PCDH17: variants seen among roughly 807,000 people sequenced by gnomAD.
PCDH17 encodes protocadherin-17.
A neutral mutation model predicts 67.7 loss-of-function variants in PCDH17; 21 were observed. The observed-to-expected ratio is 0.31, with a 90% CI of 0.22 to 0.45. The LOEUF (loss-of-function observed/expected upper bound fraction) is 0.45, where lower values mean the gene tolerates loss of function less well. Ranked by LOEUF, PCDH17 falls within the 20% of genes least tolerant of loss-of-function variation. The pLI, the probability that PCDH17 is intolerant of heterozygous loss-of-function variation, is 1.00. For synonymous variants in PCDH17, 701 were observed against 656.7 expected (o/e 1.07, Z -1.03); for missense variants, 1,471 against 1,564.8 (o/e 0.94, Z 1.01).
At chr13:57,657,299 A>G (rs1328323813) in intron 1 of PCDH17, among the ~76,000 whole-genome samples, 2 of 152,178 alleles carry the variant, frequency 1.3e-5, no homozygotes, top group East Asian at 1.9e-4. Context: ...TTTTTGCTCA[A>G]TATTGTAAGA....
chr13:57,648,612 A>G (rs1373150812), intron 1 of PCDH17, among the ~76,000 whole-genome samples: 1 of 152,058 alleles, frequency 6.6e-6, no homozygotes, highest in Non-Finnish European at 1.5e-5. Context: ...GGATCTGCTT[A>G]AAAGCAACTA....
At chr13:57,637,453 C>T (rs1308015188) in intron 1 of PCDH17, among the ~76,000 whole-genome samples, 4 of 150,516 alleles carry the variant, frequency 2.7e-5, no homozygotes, top group Non-Finnish European at 5.9e-5. Flanking sequence ...TTTTTTTAAA[C>T]TAGTGTGTCG....
At position 57,633,204 on chromosome 13, in the gene PCDH17, G is replaced by T. The variant is rs1293017384; in HGVS notation, c.658G>T (p.Glu220Ter). 6.2e-7 allele frequency: 1 copy of T among 1,613,120 alleles called. No homozygotes were observed. Among genetic ancestry groups the T allele is most frequent in the Non-Finnish European group, 8.5e-7 (1 of 1,179,964 alleles). ...TLVLTALDGG[E>*]PPRSATVQIN... ...CGTGCTGACTGCCCTGGACGGTGGCGAGCCTCCACGTTCCGCCACCGTACA... is the reference window on the plus strand; with the variant it reads ...CGTGCTGACTGCCCTGGACGGTGGCTAGCCTCCACGTTCCGCCACCGTACA... The change falls in exon 1 of 4, where the codon GAG becomes TAG. Residue 220 changes from glutamate (E) to a stop codon, truncating the protein, a stop_gained. Coordinates refer to ENST00000377918, the MANE Select transcript of PCDH17 (RefSeq NM_001040429.3). LOFTEE classifies it high-confidence loss of function. This position sits in a 1 kb window ranked among gnomAD's most constrained non-coding sequence, Gnocchi z 6.2.
rs1460461490 is a variant in PCDH17, at chr13:57,633,916, C to T, written c.1370C>T (p.Ser457Leu). 2 of 1,613,270 alleles carry T rather than the reference C, an allele frequency of 1.2e-6. No homozygotes were observed. The highest frequency in any genetic ancestry group is 1.3e-5 in the African/African-American group (1 of 74,950). The change falls in exon 1 of 4, where the codon TCG becomes TTG. Residue 457 changes from serine (S) to leucine (L), a missense_variant. Physicochemically the swap from Ser to Leu is moderately radical, Grantham distance 145. Coordinates refer to ENST00000377918, the MANE Select transcript of PCDH17 (RefSeq NM_001040429.3). This position sits in a 1 kb window ranked among gnomAD's most constrained non-coding sequence, Gnocchi z 6.2. ...TCTCCTCCCCTCAACTCCACCAAGT[C>T]GTTCGCGATCAAGATTCTAGACGAG... ...GGSPPLNSTK[S>L]FAIKILDEND...
In PCDH17 at chr13:57,725,055, C is replaced by T; in HGVS notation, c.3241C>T (p.Pro1081Ser). Reference sequence around the variant, plus strand: ...GCCCACTGACAGTCAATATCTGTCACCTAGTAAGCAACCAAGAGACCCTCC... The same window carrying T: ...GCCCACTGACAGTCAATATCTGTCATCTAGTAAGCAACCAAGAGACCCTCC... ...YLPTDSQYLSPSKQPRDPPFM... is the reference protein window; with the variant it reads ...YLPTDSQYLSSSKQPRDPPFM... Residue 1081 changes from proline to serine, a missense_variant, in exon 4 of 4, where the codon CCT (proline) becomes TCT (serine). By Grantham distance (74) the Pro-to-Ser change is moderately conservative. Around this residue, in one of 3 missense-constraint regions of PCDH17, gnomAD observed 297 missense variants for 298.6 expected, o/e 0.99. Transcript: ENST00000377918. 1 of 1,614,112 alleles carries T rather than the reference C, an allele frequency of 6.2e-7. No individual in the cohort carries two copies. The highest frequency in any genetic ancestry group is 8.5e-7 in the Non-Finnish European group (1 of 1,179,970).
rs1364066023 is a variant in PCDH17, at chr13:57,634,627, G to T, written c.2081G>T (p.Arg694Leu). The T allele has an allele frequency of 1.9e-6, 3 of 1,613,430 alleles. No individual in the cohort carries two copies. The highest frequency in any genetic ancestry group is 2.5e-6 in the Non-Finnish European group (3 of 1,179,994). Residue 694 changes from arginine to leucine, a missense_variant, in exon 1 of 4, where the codon CGG (arginine) becomes CTG (leucine). Arg to Leu is a moderately radical substitution (Grantham distance 102). Around this residue, in one of 3 missense-constraint regions of PCDH17, gnomAD observed 1,163 missense variants for 1,230.0 expected, o/e 0.95. Coordinates refer to ENST00000377918, the MANE Select transcript of PCDH17 (RefSeq NM_001040429.3). The surrounding 1 kb of genome is among the most constrained non-coding windows in gnomAD (Gnocchi z 7.8). ...GGATCCCTTCCCGAGGGGGTACCAC[G>T]GGTGAATGGCGAGCAGCACCACTGG... ...VSGSLPEGVP[R>L]VNGEQHHWDM...
chr13:57,678,764 A>T (rs1334730942), intron 3 of PCDH17, among the ~76,000 whole-genome samples: 1 of 151,604 alleles, frequency 6.6e-6, no homozygotes, highest in Non-Finnish European at 1.5e-5. Context: ...AAAAAACAAG[A>T]AATAGGGGCA....
intron 3 of PCDH17, among the ~76,000 whole-genome samples, chr13:57,708,177 G>A (rs1955738697): frequency 6.6e-6 from 1 of 151,936 alleles, no homozygotes; most frequent in Admixed American, 6.6e-5. Context: ...TGACTACTGA[G>A]TTTGGATTAT....
intron 3 of PCDH17, among the ~76,000 whole-genome samples, chr13:57,703,318 GC>G (rs1199385556): frequency 6.6e-6 from 1 of 152,074 alleles, no homozygotes; most frequent in Non-Finnish European, 1.5e-5. Flanking sequence ...AATTTGGGGT[GC>G]ATAAAGAACT....
rs533006150 is a variant in PCDH17 at position 57,724,489 on chromosome 13, C to A, written c.2798-123C>A. 1.1e-5 allele frequency: 8 copies of A among 703,798 alleles called. No homozygotes were observed. The African/African-American group carries it at 1.3e-4, about 11-fold the overall frequency. The allele number at this position is 703,798 out of a possible 1,614,324, so 43.6% of individuals were successfully genotyped here. On this transcript the variant is annotated intron_variant, in intron 3 of 3. Coordinates refer to ENST00000377918, the MANE Select transcript of PCDH17 (RefSeq NM_001040429.3). ...CCTGAAATGTTTTAATTATTGTTTT[C>A]TTTTCCTTTTTAATTAAGAGACCAG...
At chr13:57,646,951 C>G (rs1278507688) in intron 1 of PCDH17, among the ~76,000 whole-genome samples, 1 of 151,820 alleles carries the variant, frequency 6.6e-6, no homozygotes, top group Non-Finnish European at 1.5e-5. Context: ...CATGTTACTA[C>G]AAGAAGCCCT....
chr13:57,683,371 T>G lies in PCDH17; in HGVS notation c.2797+16538T>G, dbSNP rs1482825122. 2.0e-5 allele frequency among the ~76,000 whole-genome samples: 3 copies of G among 151,974 alleles called. No homozygotes were observed. In the East Asian group the frequency reaches 5.8e-4, roughly 30 times the overall value. On this transcript the variant is annotated intron_variant, in intron 3 of 3. Transcript: ENST00000377918. ...CAATATGCAGAGGAAACAAATGATTTAATAGAAAGGGTGGAAAGAGAATCG... is the reference window on the plus strand; with the variant it reads ...CAATATGCAGAGGAAACAAATGATTGAATAGAAAGGGTGGAAAGAGAATCG...
In PCDH17 at chr13:57,634,539, G is replaced by A; in HGVS notation, c.1993G>A (p.Val665Met). 1 of 1,613,004 alleles carries A rather than the reference G, an allele frequency of 6.2e-7. No individual in the cohort carries two copies. Among genetic ancestry groups the A allele is most frequent in the Non-Finnish European group, 8.5e-7 (1 of 1,180,012 alleles). The change falls in exon 1 of 4, where the codon GTG (valine) becomes ATG (methionine). Residue 665 changes from valine (V) to methionine (M), a missense_variant. Transcript: ENST00000377918. This position sits in a 1 kb window ranked among gnomAD's most constrained non-coding sequence, Gnocchi z 7.8. ...VTPVVELVVKVTDHGKPTLSA... is the reference protein window; with the variant it reads ...VTPVVELVVKMTDHGKPTLSA... ...GCCCGTGGTGGAGCTGGTGGTGAAG[G>A]TGACCGACCACGGCAAGCCTACCCT...
chr13:57,653,860 G>A (rs1040301355), intron 1 of PCDH17, among the ~76,000 whole-genome samples: 4 of 152,002 alleles, frequency 2.6e-5, no homozygotes, highest in African/African-American at 4.8e-5. Context: ...TTCCCATGGC[G>A]GTACTGTTTC....
chr13:57,662,778 A>T (rs1955199282), intron 1 of PCDH17, among the ~76,000 whole-genome samples: 1 of 152,166 alleles, frequency 6.6e-6, no homozygotes. Flanking sequence ...TTATAAATGT[A>T]CCACAGTTTG....
chr13:57,705,782 G>A (rs558704803), intron 3 of PCDH17, among the ~76,000 whole-genome samples: 19 of 152,164 alleles, frequency 1.2e-4, no homozygotes, highest in Admixed American at 5.2e-4. Flanking sequence ...TTGGGAGGCC[G>A]AGGCGGGTGG....
intron 1 of PCDH17, among the ~76,000 whole-genome samples, chr13:57,652,490 A>C (rs1420172819): frequency 6.6e-6 from 1 of 152,180 alleles, no homozygotes; most frequent in Non-Finnish European, 1.5e-5. Flanking sequence ...AATTTCTTAA[A>C]ATAACAAAGT....
Position 57,633,160 on chromosome 13 carries a change from A to G in PCDH17, c.614A>G (p.Gln205Arg). The G allele has an allele frequency of 6.2e-7, 1 of 1,613,282 alleles. No homozygotes were observed. Among genetic ancestry groups the G allele is most frequent in the Non-Finnish European group, 8.5e-7 (1 of 1,179,936 alleles). The stretch of plus-strand genomic sequence containing the variant: ...ATCCAGAAGGCTCTGGACCGCGAGC[A>G]ACAGAATCACCATACGCTCGTGCTG... The part of the protein sequence containing the change: ...LVIQKALDRE[Q>R]QNHHTLVLTA... Residue 205 changes from glutamine to arginine, a missense_variant, in exon 1 of 4, where the codon CAA becomes CGA. Around this residue, in one of 3 missense-constraint regions of PCDH17, gnomAD observed 1,163 missense variants for 1,230.0 expected, o/e 0.95. Coordinates refer to ENST00000377918, the MANE Select transcript of PCDH17 (RefSeq NM_001040429.3). The surrounding 1 kb of genome is among the most constrained non-coding windows in gnomAD (Gnocchi z 6.2).
intron 1 of PCDH17, among the ~76,000 whole-genome samples, chr13:57,653,681 A>C (rs1228527528): frequency 6.6e-6 from 1 of 152,174 alleles, no homozygotes; most frequent in Non-Finnish European, 1.5e-5. Context: ...TATGCGATAC[A>C]AAGGAGTAAG....
Sources: gnomAD v4.1 joint callset for allele counts (sites outside exome capture counted in the v4.1 genomes callset) on GRCh38, gnomAD v4.1.1 for gene constraint, gnomAD v4.1.1 regional missense constraint, Gnocchi (gnomAD v3.1) non-coding constraint, MANE v1.5 for transcripts, NCBI Gene and HGNC (gene_info 2026-07-23, HGNC 2026-07-21) for gene names.